The following XPNPEP1 variants were observed in gnomAD, a reference collection of about 807,000 sequenced individuals.
The protein encoded by XPNPEP1 is X-prolyl aminopeptidase 1, also known as xaa-Pro aminopeptidase 1.
A neutral mutation model predicts 92.4 loss-of-function variants in XPNPEP1; 39 were observed. The ratio of observed to expected loss-of-function variants is 0.42; its 90% CI spans 0.33 to 0.55. XPNPEP1 has a LOEUF of 0.55. Ranked by LOEUF, XPNPEP1 falls within the 20% of genes least tolerant of loss-of-function variation. XPNPEP1 has a pLI of 0.08. For missense variants in XPNPEP1, 654 were observed against 856.1 expected (o/e 0.76, Z 2.95); for synonymous variants, 307 against 299.4 (o/e 1.03, Z -0.26).
chr10:109,909,514 C>T (rs959400379), intron 2 of XPNPEP1, among the ~76,000 whole-genome samples: 3 of 152,196 alleles, frequency 2.0e-5, no homozygotes, highest in Non-Finnish European at 2.9e-5. Context: ...GGAATAGTCT[C>T]TTGTACTCAC....
chr10:109,923,054 G>T (rs1850640449), intron 1 of XPNPEP1, among the ~76,000 whole-genome samples: 1 of 152,210 alleles, frequency 6.6e-6, no homozygotes, highest in South Asian at 2.1e-4. Context: ...CGGACACGAA[G>T]AGGGGCCAAC....
rs369671920 is a variant in XPNPEP1 at position 109,893,000 on chromosome 10, G to C, written c.310+12C>G. On this transcript the variant is annotated intron_variant, in intron 4 of 20. Coordinates refer to ENST00000502935, the MANE Select transcript of XPNPEP1 (RefSeq NM_020383.4). Reference sequence around the variant, plus strand: ...AAGGTGCAGCAAGAACAGAGAAAAAGTAGTGACTCACCCGCAGAGCCATCG... The same window carrying C: ...AAGGTGCAGCAAGAACAGAGAAAAACTAGTGACTCACCCGCAGAGCCATCG... 16 of 1,612,970 alleles carry C rather than the reference G, an allele frequency of 9.9e-6. No homozygotes were observed. The highest frequency in any genetic ancestry group is 2.7e-5 in the African/African-American group (2 of 74,894).
intron 1 of XPNPEP1, among the ~76,000 whole-genome samples, chr10:109,915,660 T>C (rs975453927): frequency 2.6e-5 from 4 of 152,238 alleles, no homozygotes; most frequent in Non-Finnish European, 4.4e-5. Flanking sequence ...GAGAATGTGA[T>C]GGGTCCTGGT....
At chr10:109,901,221 G>A (rs1849270504) in intron 3 of XPNPEP1, among the ~76,000 whole-genome samples, 1 of 137,678 alleles carries the variant, frequency 7.3e-6, no homozygotes, top group African/African-American at 2.7e-5. Context: ...CTCACAGGTG[G>A]CAACTGAACA....
At chr10:109,903,779 G>A (rs1849410453) in intron 3 of XPNPEP1, among the ~76,000 whole-genome samples, 4 of 151,836 alleles carry the variant, frequency 2.6e-5, no homozygotes, top group South Asian at 2.1e-4. Context: ...AATCACAGTG[G>A]CCAGCCTACT....
chr10:109,867,884 T>C lies in XPNPEP1; in HGVS notation c.1872+730A>G, dbSNP rs1266671155. On this transcript the variant is annotated intron_variant, in intron 20 of 20. Transcript: ENST00000502935. This position sits in a 1 kb window ranked among gnomAD's most constrained non-coding sequence, Gnocchi z 4.5. ...GGGAACTGTTTTGTCTGTCTAGTGC[T>C]AACAGTTCCTACCCCATTTCTGACC... Among the ~76,000 whole-genome samples the C allele has an allele frequency of 6.6e-6, 1 of 152,240 alleles. No individual in the cohort carries two copies. Among genetic ancestry groups the C allele is most frequent in the Non-Finnish European group, 1.5e-5 (1 of 68,042 alleles).
chr10:109,872,226 G>A (rs1303772686), intron 16 of XPNPEP1, among the ~76,000 whole-genome samples: 1 of 152,216 alleles, frequency 6.6e-6, no homozygotes, highest in African/African-American at 2.4e-5. Context: ...TCTAAGCACT[G>A]TATGTTTGAT....
chr10:109,917,277 C>A (rs1850246215), intron 1 of XPNPEP1, among the ~76,000 whole-genome samples: 1 of 152,106 alleles, frequency 6.6e-6, no homozygotes, highest in Non-Finnish European at 1.5e-5. Context: ...TAACTGAGTT[C>A]ATCAAGAATG....
At chr10:109,898,222 G>A (rs1849086135) in intron 3 of XPNPEP1, among the ~76,000 whole-genome samples, 3 of 152,138 alleles carry the variant, frequency 2.0e-5, no homozygotes, top group Admixed American at 2.0e-4. Flanking sequence ...CTGTAAAATG[G>A]GGATGAACAT....
At chr10:109,908,445 A>G (rs949816119) in intron 2 of XPNPEP1, among the ~76,000 whole-genome samples, 1 of 152,142 alleles carries the variant, frequency 6.6e-6, no homozygotes, top group Admixed American at 6.5e-5. Context: ...TCTACAAAAT[A>G]TAAAAAATCA....
At chr10:109,871,032 C>T in intron 17 of XPNPEP1, 128 bp from the exon 18 acceptor site, 1 of 1,089,754 alleles carries the variant, frequency 9.2e-7, no homozygotes, top group Non-Finnish European at 1.3e-6. Flanking sequence ...GATTTCAGCA[C>T]AGCACAAGGA....
At chr10:109,880,814 C>T in intron 11 of XPNPEP1, 28 bp downstream of exon 11, 1 of 1,610,222 alleles carries the variant, frequency 6.2e-7, no homozygotes, top group South Asian at 1.1e-5. Flanking sequence ...CCTCACATCC[C>T]ATCTTCTGCA....
chr10:109,920,700 CTG>C (rs1850490896), intron 1 of XPNPEP1, among the ~76,000 whole-genome samples: 1 of 152,036 alleles, frequency 6.6e-6, no homozygotes, highest in Non-Finnish European at 1.5e-5. Flanking sequence ...TCACACCAAC[CTG>C]ATTTTTTTTT....
chr10:109,875,229 G>T (rs1190250594), intron 15 of XPNPEP1, among the ~76,000 whole-genome samples: 1 of 152,192 alleles, frequency 6.6e-6, no homozygotes, highest in Admixed American at 6.5e-5. Context: ...ATGGGCTGGG[G>T]TGGAAAACTT....
At chr10:109,888,902 G>A (rs993648041) in intron 5 of XPNPEP1, among the ~76,000 whole-genome samples, 4 of 152,176 alleles carry the variant, frequency 2.6e-5, no homozygotes, top group East Asian at 1.9e-4. Context: ...CACACATGGC[G>A]TCACCACAAA....
chr10:109,917,985 C>T (rs1271676268), intron 1 of XPNPEP1, among the ~76,000 whole-genome samples: 1 of 152,060 alleles, frequency 6.6e-6, no homozygotes, highest in Non-Finnish European at 1.5e-5. Flanking sequence ...TGGTGGTGTG[C>T]ACCTGTAGTC....
At chr10:109,880,793 C>T in intron 11 of XPNPEP1, 49 bp downstream of exon 11, 1 of 1,579,906 alleles carries the variant, frequency 6.3e-7, no homozygotes, top group Non-Finnish European at 8.7e-7. Context: ...AGGAGCCGGG[C>T]CTTCTGACCA....
intron 12 of XPNPEP1, chr10:109,878,361 C>G (rs1051135145): frequency 3.6e-6 from 1 of 281,542 alleles, no homozygotes. Flanking sequence ...CCTAAGAAAT[C>G]ATCGTAAGAA....
chr10:109,887,386 T>G (rs1848450202), intron 7 of XPNPEP1, among the ~76,000 whole-genome samples: 1 of 152,152 alleles, frequency 6.6e-6, no homozygotes, highest in African/African-American at 2.4e-5. Flanking sequence ...TGTTTAAAAC[T>G]TGGCCCAGAA....
Sources: gnomAD v4.1 joint callset for allele counts (sites outside exome capture counted in the v4.1 genomes callset) on GRCh38, gnomAD v4.1.1 for gene constraint, Gnocchi (gnomAD v3.1) non-coding constraint, MANE v1.5 for transcripts, NCBI Gene and HGNC (gene_info 2026-07-23, HGNC 2026-07-21) for gene names.